The following CABIN1 variants were observed in gnomAD, a reference collection of about 807,000 sequenced individuals.
CABIN1 encodes calcineurin-binding protein cabin-1.
Under a neutral mutation model 227.7 loss-of-function variants are expected in CABIN1, and 133 were observed. That is an observed-to-expected ratio of 0.58 (90% CI 0.51 to 0.67). CABIN1 has a LOEUF of 0.67. Among genes scored for constraint, CABIN1 ranks in the 30% least tolerant of loss-of-function variants. CABIN1 has a pLI of 0.00. For missense variants in CABIN1, 2,408 were observed against 2,852.5 expected (o/e 0.84, Z 3.55); for synonymous variants, 1,086 against 1,155.1 (o/e 0.94, Z 1.21).
At chr22:24,051,502 TC>T (rs1197286563) in intron 8 of CABIN1, among the ~76,000 whole-genome samples, 1 of 152,166 alleles carries the variant, frequency 6.6e-6, no homozygotes, top group African/African-American at 2.4e-5. Context: ...TATCGGCGGT[TC>T]CCTGGAGTTG....
At position 24,091,568 on chromosome 22, in the gene CABIN1, A is replaced by T; in HGVS notation, c.3526-15A>T. 2 of 1,614,142 alleles carry T rather than the reference A, an allele frequency of 1.2e-6. No individual in the cohort carries two copies. Among genetic ancestry groups the T allele is most frequent in the Non-Finnish European group, 1.7e-6 (2 of 1,180,010 alleles). Reference sequence around the variant, plus strand: ...TCAGGCGTAAGGCCAGCCCAGTCTCATGATCTTCTTACAGATGGAGGGCCG... The same window carrying T: ...TCAGGCGTAAGGCCAGCCCAGTCTCTTGATCTTCTTACAGATGGAGGGCCG... On this transcript the variant is annotated splice_polypyrimidine_tract_variant and intron_variant, in intron 23 of 36. Coordinates refer to ENST00000263119, the MANE Select transcript of CABIN1 (RefSeq NM_012295.4).
At chr22:24,029,049 C>A (rs964921443) in intron 1 of CABIN1, among the ~76,000 whole-genome samples, 2 of 152,074 alleles carry the variant, frequency 1.3e-5, no homozygotes, top group African/African-American at 4.8e-5. Context: ...AAAATTCTTG[C>A]AGGTACTCGA....
intron 28 of CABIN1, among the ~76,000 whole-genome samples, chr22:24,128,280 G>C (rs1477788923): frequency 1.6e-5 from 2 of 127,334 alleles, no homozygotes; most frequent in Non-Finnish European, 3.2e-5. Context: ...GACTTCTAAT[G>C]CCTACACAGG....
At position 24,091,811 on chromosome 22, in the gene CABIN1, A is replaced by C. The variant is rs1236881914; in HGVS notation, c.3754A>C (p.Asn1252His). Residue 1252 changes from asparagine to histidine, a missense_variant, in exon 24 of 37, where the codon AAC becomes CAC. By Grantham distance (68) the Asn-to-His change is moderately conservative. This residue lies in a region of CABIN1 where 649 missense variants were observed against 910.3 expected (regional missense o/e 0.71). Transcript: ENST00000263119. ...ARYPKKIHYHNPPELAMEALE... is the reference protein window; with the variant it reads ...ARYPKKIHYHHPPELAMEALE... ...CTACCCCAAGAAGATCCACTACCAC[A>C]ACCCACCTGAGCTGGCCATGGAGGC... The C allele has an allele frequency of 6.2e-7, 1 of 1,613,696 alleles. No homozygotes were observed. The highest frequency in any genetic ancestry group is 1.1e-5 in the South Asian group (1 of 91,082).
chr22:24,144,694 C>T (rs2044997266), intron 29 of CABIN1, among the ~76,000 whole-genome samples: 1 of 152,260 alleles, frequency 6.6e-6, no homozygotes, highest in Non-Finnish European at 1.5e-5. Context: ...TCTGTTGCCC[C>T]TCCTGCCCAC....
intron 13 of CABIN1, among the ~76,000 whole-genome samples, chr22:24,062,453 G>T (rs2146441990): frequency 6.7e-6 from 1 of 149,794 alleles, no homozygotes; most frequent in East Asian, 2.0e-4. Context: ...TGCCTCCCAG[G>T]CTCAAGTGAT....
In CABIN1 at chr22:24,064,050, GC is replaced by G; in HGVS notation, c.1903del (p.Leu635TrpfsTer50). 1 of 1,614,168 alleles carries G rather than the reference GC, an allele frequency of 6.2e-7. No individual in the cohort carries two copies. Among genetic ancestry groups the G allele is most frequent in the Non-Finnish European group, 8.5e-7 (1 of 1,180,032 alleles). ...FLALQGDMEQ[A>X]LENYDICTEM... is the part of the protein sequence containing the mutation. ...GTCTAACCAGGGAGACATGGAGCAGGCCCTGGAGAACTATGACATCTGCACA... is the reference window on the plus strand; with the variant it reads ...GTCTAACCAGGGAGACATGGAGCAGGCCTGGAGAACTATGACATCTGCACA... On this transcript the variant is annotated frameshift_variant, in exon 15 of 37. Coordinates refer to ENST00000263119, the MANE Select transcript of CABIN1 (RefSeq NM_012295.4). LOFTEE classifies it high-confidence loss of function.
At chr22:24,148,223 C>T (rs989293314) in intron 29 of CABIN1, among the ~76,000 whole-genome samples, 6 of 152,226 alleles carry the variant, frequency 3.9e-5, no homozygotes, top group Admixed American at 1.3e-4. Flanking sequence ...GGTGGTACCT[C>T]CCATGGCCCA....
intron 29 of CABIN1, among the ~76,000 whole-genome samples, chr22:24,157,503 G>C (rs908151044): frequency 6.6e-6 from 1 of 152,170 alleles, no homozygotes; most frequent in Non-Finnish European, 1.5e-5. Flanking sequence ...CTGTAGTCTT[G>C]GCTCCCTGCA....
intron 27 of CABIN1, among the ~76,000 whole-genome samples, chr22:24,116,318 G>A (rs1251837036): frequency 2.6e-5 from 4 of 152,190 alleles, no homozygotes; most frequent in Admixed American, 6.5e-5. Context: ...AGGGCAAGAG[G>A]GTAAAACCCA....
chr22:24,018,092 C>T (rs1412809938), intron 1 of CABIN1, among the ~76,000 whole-genome samples: 1 of 152,060 alleles, frequency 6.6e-6, no homozygotes, highest in Non-Finnish European at 1.5e-5. Context: ...TGGCCTCAAG[C>T]AATCCTTTCA....
chr22:24,168,497 T>A lies in CABIN1; in HGVS notation c.5733T>A (p.His1911Gln), dbSNP rs1427505647. Residue 1911 changes from histidine (H) to glutamine (Q), a missense_variant, in exon 33 of 37, where the codon CAT becomes CAA. By Grantham distance (24) the His-to-Gln change is conservative. Coordinates refer to ENST00000263119, the MANE Select transcript of CABIN1 (RefSeq NM_012295.4). ...AGGCTGTGAAGTTCTGCCAGGTCCA[T>A]CTTGGGGCTGCCGCCCAGAGACAGG... ...LEQAVKFCQV[H>Q]LGAAAQRQAS... 1.2e-5 allele frequency: 18 copies of A among 1,564,110 alleles called. No individual in the cohort carries two copies. Among genetic ancestry groups the A allele is most frequent in the Non-Finnish European group, 1.6e-5 (18 of 1,154,136 alleles).
At chr22:24,042,191 A>C (rs910405463) in intron 5 of CABIN1, among the ~76,000 whole-genome samples, 1 of 152,218 alleles carries the variant, frequency 6.6e-6, no homozygotes. Context: ...CTTGGACTCA[A>C]GCATTCTGCC....
chr22:24,147,468 C>T (rs2045219941), intron 29 of CABIN1, among the ~76,000 whole-genome samples: 1 of 147,438 alleles, frequency 6.8e-6, no homozygotes, highest in African/African-American at 2.5e-5. Flanking sequence ...TTTTTTGAGA[C>T]AGGGCTTCAC....
At position 24,156,089 on chromosome 22, in the gene CABIN1, C is replaced by T. The variant is rs534117349; in HGVS notation, c.4747-8311C>T. 1.5e-4 allele frequency: 63 copies of T among 414,548 alleles called. 2 individuals are homozygous for T. The South Asian group carries it at 1.8e-3, about 12-fold the overall frequency. 25.7% of individuals were successfully genotyped at this position (414,548 alleles called of 1,614,324 possible). A position where few individuals can be genotyped will look rare whatever the true frequency, so the allele number is the denominator to read the frequency against. On this transcript the variant is annotated intron_variant, in intron 29 of 36. Coordinates refer to ENST00000263119, the MANE Select transcript of CABIN1 (RefSeq NM_012295.4). Reference sequence around the variant, plus strand: ...GCGGAGCCGGCGGGTAGGAACTTGGCGGGGGCGGGGGCCGGGACTGGGGCC... The same window carrying T: ...GCGGAGCCGGCGGGTAGGAACTTGGTGGGGGCGGGGGCCGGGACTGGGGCC...
At chr22:24,011,733 G>C (rs2034828616) in intron 1 of CABIN1, 1 of 152,350 alleles carries the variant, frequency 6.6e-6, no homozygotes, top group Non-Finnish European at 1.5e-5. Flanking sequence ...TGCGAGGTGA[G>C]TGTTGTTATT....
At chr22:24,043,236 A>T in intron 6 of CABIN1, 152 bp downstream of exon 6, 1 of 541,766 alleles carries the variant, frequency 1.8e-6, no homozygotes, top group Non-Finnish European at 3.3e-6. Flanking sequence ...TTTCTGCTTT[A>T]TTCTGCATCT....
intron 15 of CABIN1, among the ~76,000 whole-genome samples, chr22:24,066,209 C>G (rs1316743503): frequency 6.6e-6 from 1 of 152,222 alleles, no homozygotes; most frequent in Non-Finnish European, 1.5e-5. Flanking sequence ...CTGGGAAAGG[C>G]TGCTGTAGTA....
At position 24,042,876 on chromosome 22, in the gene CABIN1, GTT is replaced by G. The variant is rs1491261513; in HGVS notation, c.346-26_346-25del. The G allele has an allele frequency of 6.5e-5, 93 of 1,439,788 alleles. No homozygotes were observed. In the African/African-American group the frequency reaches 8.2e-4, roughly 13 times the overall value. 89.2% of individuals were successfully genotyped at this position (1,439,788 alleles called of 1,614,324 possible). A position where few individuals can be genotyped will look rare whatever the true frequency, so the allele number is the denominator to read the frequency against. On this transcript the variant is annotated intron_variant, in intron 5 of 36. Transcript: ENST00000263119. ...TGTGTGTGTGTGTGTGTGTGTGTGTGTTTGCCCTCTGCTTGTGTCGCTTCCAG... is the reference window on the plus strand; with the variant it reads ...TGTGTGTGTGTGTGTGTGTGTGTGTGTGCCCTCTGCTTGTGTCGCTTCCAG...
Sources: gnomAD v4.1 joint callset for allele counts (sites outside exome capture counted in the v4.1 genomes callset) on GRCh38, gnomAD v4.1.1 for gene constraint, gnomAD v4.1.1 regional missense constraint, MANE v1.5 for transcripts, NCBI Gene and HGNC (gene_info 2026-07-23, HGNC 2026-07-21) for gene names.